The following MED19 variants were observed in gnomAD, a reference collection of about 807,000 sequenced individuals.
MED19 encodes the protein mediator of RNA polymerase II transcription subunit 19.
In MED19, 4 loss-of-function variants were observed where a neutral mutation model predicts 19.9. The observed-to-expected ratio is 0.20, with a 90% confidence interval of 0.10 to 0.46. The LOEUF is 0.46. Among genes scored for constraint, MED19 ranks in the 20% least tolerant of loss-of-function variants. The pLI is 0.99. For synonymous variants in MED19, 139 were observed against 119.6 expected (o/e 1.16, Z -1.06); for missense variants, 303 against 318.7 (o/e 0.95, Z 0.38).
chr11:57,711,307 T>C (rs1452497847), intron 1 of MED19, among the ~76,000 whole-genome samples: 1 of 152,206 alleles, frequency 6.6e-6, no homozygotes, highest in South Asian at 2.1e-4. Context: ...ACTAAAACTT[T>C]GGGTCCCCAA....
At chr11:57,707,960 G>A (rs1590880273) in intron 1 of MED19, among the ~76,000 whole-genome samples, 1 of 151,774 alleles carries the variant, frequency 6.6e-6, no homozygotes, top group South Asian at 2.1e-4. Context: ...AGCCTCCCAG[G>A]TAGCTGGGAC....
chr11:57,705,817 G>C (rs1054807590), intron 1 of MED19, among the ~76,000 whole-genome samples: 1 of 152,144 alleles, frequency 6.6e-6, no homozygotes, highest in East Asian at 1.9e-4. Context: ...AGATTAACTG[G>C]AGTTGATTTA....
chr11:57,710,733 T>C (rs922494002), intron 1 of MED19, among the ~76,000 whole-genome samples: 5 of 152,180 alleles, frequency 3.3e-5, no homozygotes, highest in African/African-American at 9.7e-5. Flanking sequence ...GTCTCATCTG[T>C]TGCCCAGGCT....
chr11:57,704,235 G>A (rs1946481012), intron 4 of MED19, 67 bp downstream of exon 4: 5 of 1,527,718 alleles, frequency 3.3e-6, no homozygotes, highest in Middle Eastern at 1.7e-4. Context: ...AAGAACTCTA[G>A]GGTATTTAGG....
chr11:57,712,154 C>G, exon 1 of MED19: 1 of 1,531,128 alleles, frequency 6.5e-7, no homozygotes, highest in Non-Finnish European at 8.8e-7. Flanking sequence ...AGCCTGAGCC[C>G]CAAACAGTGC....
At chr11:57,708,151 A>T (rs1263459474) in intron 1 of MED19, among the ~76,000 whole-genome samples, 1 of 151,870 alleles carries the variant, frequency 6.6e-6, no homozygotes, top group Non-Finnish European at 1.5e-5. Context: ...AAAAAAAAAA[A>T]TTGTTTTGAA....
At chr11:57,703,992 C>T (rs1254610946) in exon 5 of MED19, 1 of 1,534,102 alleles carries the variant, frequency 6.5e-7, no homozygotes, top group African/African-American at 1.4e-5. Flanking sequence ...TCAGCAGGTT[C>T]AGTACAGCAG....
chr11:57,705,540 A>G (rs1783824), intron 1 of MED19, among the ~76,000 whole-genome samples: 89,788 of 151,544 alleles, frequency 0.59, 27,065 homozygotes, highest in East Asian at 0.9. Flanking sequence ...TGTAGTCCCA[A>G]CTACTCAGGA....
chr11:57,704,753 G>C (rs902875162), exon 3 of MED19: 7 of 1,479,886 alleles, frequency 4.7e-6, no homozygotes, highest in Middle Eastern at 3.9e-4. Flanking sequence ...GGCTCTGTTT[G>C]TGCTTGTGCT....
intron 1 of MED19, among the ~76,000 whole-genome samples, chr11:57,711,027 T>G (rs1946578717): frequency 6.6e-6 from 1 of 152,148 alleles, no homozygotes; most frequent in African/African-American, 2.4e-5. Context: ...TTCCTAGCAT[T>G]AACCACTTTC....
intron 4 of MED19, 34 bp downstream of exon 4, chr11:57,704,268 C>T (rs1415893891): frequency 8.5e-6 from 13 of 1,530,314 alleles, no homozygotes; most frequent in Admixed American, 2.0e-5. Context: ...TCTGGGGAAA[C>T]TCACTGGGTT....
chr11:57,705,995 C>CTTT (rs761219613), intron 1 of MED19, among the ~76,000 whole-genome samples: 1 of 143,760 alleles, frequency 7.0e-6, no homozygotes, highest in Admixed American at 7.0e-5. Flanking sequence ...TTGTCAAGGA[C>CTTT]TTTTTTTTTT....
intron 1 of MED19, 126 bp from the exon 2 acceptor site, chr11:57,705,355 TAAAG>T: frequency 8.6e-7 from 1 of 1,156,816 alleles, no homozygotes; most frequent in South Asian, 1.7e-5. Flanking sequence ...AATTTATTTT[TAAAG>T]AAACAGAGCA....
chr11:57,709,148 A>T (rs1946536279), intron 1 of MED19, among the ~76,000 whole-genome samples: 1 of 152,182 alleles, frequency 6.6e-6, no homozygotes, highest in Non-Finnish European at 1.5e-5. Flanking sequence ...CTGGGAGGCC[A>T]AGGTGGGCGG....
Position 57,704,700 on chromosome 11 carries a change from G to GTTTTAAAATA in MED19, c.571+18_571+19insTATTTTAAAA. On this transcript the variant is annotated intron_variant, in intron 3 of 4. Coordinates refer to ENST00000431606, the Ensembl canonical transcript of MED19. ...TTTTTTTTTTTTTTTTTTTTGCTTTGAATAGAACTGCTTCTTACCTGGGGG... is the reference window on the plus strand; with the variant it reads ...TTTTTTTTTTTTTTTTTTTTGCTTTGTTTTAAAATAAATAGAACTGCTTCTTACCTGGGGG... The GTTTTAAAATA allele has an allele frequency of 1.7e-6, 1 of 602,580 alleles. No homozygotes were observed. Among genetic ancestry groups the GTTTTAAAATA allele is most frequent in the Non-Finnish European group, 2.3e-6 (1 of 431,474 alleles). 37.3% of individuals were successfully genotyped at this position (602,580 alleles called of 1,614,324 possible). A position where few individuals can be genotyped will look rare whatever the true frequency, so the allele number is the denominator to read the frequency against.
chr11:57,711,978 T>G, exon 1 of MED19: 10 of 1,476,190 alleles, frequency 6.8e-6, no homozygotes, highest in Non-Finnish European at 9.0e-6. Flanking sequence ...AGTTCCCTCA[T>G]GAGGTAAAAA....
chr11:57,703,721 A>C, exon 5 of MED19: 1 of 278,660 alleles, frequency 3.6e-6, no homozygotes, highest in Non-Finnish European at 6.7e-6. Context: ...CAGTTTGATA[A>C]ATGTAATTTT....
chr11:57,703,952 A>C, exon 5 of MED19: 5 of 1,507,630 alleles, frequency 3.3e-6, no homozygotes, highest in Non-Finnish European at 2.6e-6. Flanking sequence ...CTCCCAAGGC[A>C]GTGTCCAAGA....
intron 1 of MED19, among the ~76,000 whole-genome samples, chr11:57,710,347 G>C (rs1313770284): frequency 6.6e-6 from 1 of 152,238 alleles, no homozygotes; most frequent in Non-Finnish European, 1.5e-5. Context: ...GGGTGACACA[G>C]TGAGACCTTG....
Sources: gnomAD v4.1 joint callset for allele counts (sites outside exome capture counted in the v4.1 genomes callset) on GRCh38, gnomAD v4.1.1 for gene constraint, MANE v1.5 for transcripts, NCBI Gene and HGNC (gene_info 2026-07-23, HGNC 2026-07-21) for gene names.